CACNA1I: variants seen among roughly 807,000 people sequenced by gnomAD.
CACNA1I encodes the protein voltage-dependent T-type calcium channel subunit alpha-1I.
CACNA1I carries 74 observed loss-of-function variants against 201.6 expected under a neutral mutation model. That is an observed-to-expected ratio of 0.37 (90% CI 0.30 to 0.45). The LOEUF (loss-of-function observed/expected upper bound fraction) is 0.45. Ranked by LOEUF, CACNA1I falls within the 20% of genes least tolerant of loss-of-function variation. The pLI, the probability that CACNA1I is intolerant of heterozygous loss-of-function variation, is 1.00. For synonymous variants in CACNA1I, 1,431 were observed against 1,345.2 expected, an observed-to-expected ratio of 1.06 and a Z score of -1.40; for missense variants, 2,346 against 3,138.1, an observed-to-expected ratio of 0.75 and a Z score of 6.03.
Position 39,662,274 on chromosome 22 carries a change from G to A in CACNA1I, c.3211G>A (p.Val1071Met). The A allele has an allele frequency of 6.6e-7, 1 of 1,516,756 alleles. No homozygotes were observed. 94.0% of individuals were successfully genotyped at this position (1,516,756 alleles called of 1,614,324 possible). Residue 1071 changes from valine (V) to methionine (M), a missense_variant, in exon 17 of 37, where the codon GTG (valine) becomes ATG (methionine). Coordinates refer to ENST00000402142, the MANE Select transcript of CACNA1I (RefSeq NM_021096.4). ...GGACTCGGTGGACCTGGCCGAGCTG[G>A]TGCCCGCGGTGGGCGCCCACCCCCG... ...NRDSVDLAEL[V>M]PAVGAHPRAA...
intron 7 of CACNA1I, among the ~76,000 whole-genome samples, chr22:39,645,240 G>C (rs1202842597): frequency 6.6e-6 from 1 of 152,200 alleles, no homozygotes; most frequent in Non-Finnish European, 1.5e-5. Context: ...ACCCACTTCA[G>C]CCTCCCAAAG....
rs367651359 is a variant in CACNA1I at position 39,665,450 on chromosome 22, C to T, written c.3852-48C>T. 19 of 1,607,588 alleles carry T rather than the reference C, an allele frequency of 1.2e-5. 1 individual carries two copies. Among genetic ancestry groups the T allele is most frequent in the African/African-American group, 2.7e-5 (2 of 74,866 alleles). ...CTCTGGGCTGAGTAGGGGCTGCCTCCTGGCCTGGCCAAGGGATTATGTGTG... is the reference window on the plus strand; with the variant it reads ...CTCTGGGCTGAGTAGGGGCTGCCTCTTGGCCTGGCCAAGGGATTATGTGTG... On this transcript the variant is annotated intron_variant, in intron 21 of 36. Transcript: ENST00000402142. This position sits in a 1 kb window ranked among gnomAD's most constrained non-coding sequence, Gnocchi z 5.5.
chr22:39,660,974 C>G, intron 15 of CACNA1I, 134 bp from the exon 16 acceptor site: 1 of 732,992 alleles, frequency 1.4e-6, no homozygotes, highest in Non-Finnish European at 2.3e-6. Context: ...GGAAGACTTC[C>G]TGGTAGAGGA....
At chr22:39,679,654 G>GC in intron 32 of CACNA1I, 68 bp from the exon 33 acceptor site, 1 of 1,445,004 alleles carries the variant, frequency 6.9e-7, no homozygotes, top group Admixed American at 2.0e-5. Context: ...GCTGTGTCCT[G>GC]CCCACCCCAC....
intron 3 of CACNA1I, among the ~76,000 whole-genome samples, chr22:39,606,026 C>T (rs1933210295): frequency 6.6e-6 from 1 of 152,158 alleles, no homozygotes; most frequent in African/African-American, 2.4e-5. Context: ...TGGTTCCTGT[C>T]CTCCTCAAGT....
At chr22:39,617,145 A>G (rs1201381067) in intron 3 of CACNA1I, among the ~76,000 whole-genome samples, 1 of 152,230 alleles carries the variant, frequency 6.6e-6, no homozygotes, top group Non-Finnish European at 1.5e-5. Flanking sequence ...CCCGGCACCC[A>G]GTAGGGTCTC....
Position 39,678,275 on chromosome 22 carries a change from G to A in CACNA1I, c.5055+167G>A, listed in dbSNP as rs1016568044. On this transcript the variant is annotated intron_variant, in intron 31 of 36. Transcript: ENST00000402142. ...CTGCCCAGGACCAGCACAGTGGGGA[G>A]AGCTGAGCCAGAACAGGCCCCCTGT... is the stretch of plus-strand genomic sequence containing the variant. 2.6e-5 allele frequency among the ~76,000 whole-genome samples: 4 copies of A among 152,230 alleles called. No individual in the cohort carries two copies. In the East Asian group the frequency reaches 7.7e-4, roughly 29 times the overall value.
intron 4 of CACNA1I, among the ~76,000 whole-genome samples, chr22:39,621,059 C>T (rs752679063): frequency 1.8e-4 from 27 of 152,176 alleles, no homozygotes; most frequent in Non-Finnish European, 2.9e-5. Context: ...CACCTGGCTG[C>T]CTGGGGCTTT....
chr22:39,644,586 T>G (rs1934430805), intron 7 of CACNA1I, among the ~76,000 whole-genome samples: 1 of 152,258 alleles, frequency 6.6e-6, no homozygotes, highest in Admixed American at 6.5e-5. Context: ...CTATGTCACC[T>G]GCAGGGTCAC....
chr22:39,662,456 A>C (rs1935055784), intron 17 of CACNA1I, 21 bp downstream of exon 17: 1 of 1,398,988 alleles, frequency 7.1e-7, no homozygotes, highest in Admixed American at 3.0e-5. Flanking sequence ...GCGGGGCCGA[A>C]GGGGACCTGG....
At chr22:39,626,538 C>T (rs545313438) in intron 4 of CACNA1I, among the ~76,000 whole-genome samples, 2 of 151,248 alleles carry the variant, frequency 1.3e-5, no homozygotes, top group East Asian at 1.9e-4. Context: ...GACTGCGTGG[C>T]GGGAAAAGGA....
intron 3 of CACNA1I, among the ~76,000 whole-genome samples, chr22:39,616,961 G>A (rs1392334174): frequency 1.3e-5 from 2 of 151,994 alleles, no homozygotes; most frequent in East Asian, 3.9e-4. Flanking sequence ...GTAGGGGAGG[G>A]GAGTTAGGGA....
At chr22:39,616,158 C>T (rs1933530090) in intron 3 of CACNA1I, among the ~76,000 whole-genome samples, 1 of 152,178 alleles carries the variant, frequency 6.6e-6, no homozygotes, top group African/African-American at 2.4e-5. Flanking sequence ...TGCTCCAGGC[C>T]TGCCCTATTT....
intron 3 of CACNA1I, among the ~76,000 whole-genome samples, chr22:39,614,895 A>G (rs1933486989): frequency 6.6e-6 from 1 of 152,196 alleles, no homozygotes; most frequent in Admixed American, 6.5e-5. Flanking sequence ...TTAAAGCAAC[A>G]TTACTTACCT....
In CACNA1I at chr22:39,659,982, G is replaced by A; in HGVS notation, c.2604+130G>A. Reference sequence around the variant, plus strand: ...AGGCAACCTATCCCTAAAGGAGGGGGTTGCTGATGAGGTGGTGAGCTCTTC... The same window carrying A: ...AGGCAACCTATCCCTAAAGGAGGGGATTGCTGATGAGGTGGTGAGCTCTTC... On this transcript the variant is annotated intron_variant, in intron 14 of 36. Transcript: ENST00000402142. This position sits in a 1 kb window ranked among gnomAD's most constrained non-coding sequence, Gnocchi z 4.3. 4 of 1,007,456 alleles carry A rather than the reference G, an allele frequency of 4.0e-6. No homozygotes were observed. The highest frequency in any genetic ancestry group is 2.6e-5 in the East Asian group (1 of 39,160). 62.4% of individuals were successfully genotyped at this position (1,007,456 alleles called of 1,614,324 possible). A position where few individuals can be genotyped will look rare whatever the true frequency, so the allele number is the denominator to read the frequency against.
chr22:39,611,874 C>A (rs1349606891), intron 3 of CACNA1I, among the ~76,000 whole-genome samples: 1 of 152,150 alleles, frequency 6.6e-6, no homozygotes, highest in African/African-American at 2.4e-5. Flanking sequence ...CAGCATTCTT[C>A]CCCCAAATCC....
intron 3 of CACNA1I, among the ~76,000 whole-genome samples, chr22:39,613,879 C>T (rs1188217118): frequency 6.6e-6 from 1 of 152,112 alleles, no homozygotes; most frequent in Non-Finnish European, 1.5e-5. Flanking sequence ...TTCTTGTCAC[C>T]CAGGCTGGAG....
chr22:39,641,747 C>G (rs1934356313), intron 6 of CACNA1I, among the ~76,000 whole-genome samples: 1 of 152,206 alleles, frequency 6.6e-6, no homozygotes. Context: ...TGTTGCGTGG[C>G]CCCACTGCAC....
chr22:39,578,873 C>T (rs1932454440), intron 1 of CACNA1I, among the ~76,000 whole-genome samples: 1 of 152,176 alleles, frequency 6.6e-6, no homozygotes, highest in African/African-American at 2.4e-5. Context: ...GGCTTCCCAG[C>T]CTTTCCCCTC....
Sources: allele counts gnomAD v4.1 joint callset (sites outside exome capture counted in the v4.1 genomes callset), GRCh38; gene constraint gnomAD v4.1.1; non-coding constraint Gnocchi (gnomAD v3.1); transcripts MANE v1.5; gene names NCBI Gene and HGNC (gene_info 2026-07-23, HGNC 2026-07-21).